The following ARHGAP6 variants were observed in gnomAD, a reference collection of about 807,000 sequenced individuals.
The protein encoded by ARHGAP6 is Rho GTPase activating protein 6, also known as rho GTPase-activating protein 6.
Under a neutral mutation model 55.7 loss-of-function variants are expected in ARHGAP6, and 16 were observed. That is an observed-to-expected ratio of 0.29 (90% CI 0.19 to 0.44). The LOEUF is 0.44. Ranked by LOEUF, ARHGAP6 falls within the 20% of genes least tolerant of loss-of-function variation. ARHGAP6 has a pLI of 1.00. For missense variants in ARHGAP6, 698 were observed against 808.9 expected (o/e 0.86, Z 1.66); for synonymous variants, 382 against 360.9 (o/e 1.06, Z -0.66).
chrX:11,545,862 A>G (rs2051207007), intron 1 of ARHGAP6, among the ~76,000 whole-genome samples: 1 of 111,715 alleles, frequency 9.0e-6, no homozygotes, highest in Non-Finnish European at 1.9e-5. Flanking sequence ...GAACTGCAAC[A>G]AAATAATTAT....
At chrX:11,182,618 C>T (rs1379446812) in intron 5 of ARHGAP6, among the ~76,000 whole-genome samples, 33 of 100,703 alleles carry the variant, frequency 3.3e-4, no homozygotes, top group African/African-American at 1.2e-3. Context: ...TTCTTTCTTT[C>T]TTTTTTTTCC....
intron 1 of ARHGAP6, among the ~76,000 whole-genome samples, chrX:11,311,928 T>C (rs2048306072): frequency 9.0e-6 from 1 of 111,657 alleles, no homozygotes; most frequent in South Asian, 3.8e-4. Context: ...TGGCCACTAC[T>C]CAGGTTTGCA....
chrX:11,624,637 C>T (rs367951394), intron 1 of ARHGAP6, among the ~76,000 whole-genome samples: 146 of 112,459 alleles, frequency 1.3e-3, no homozygotes, highest in Non-Finnish European at 2.0e-3. Context: ...CTGCAACTTC[C>T]GCCTCCCGGG....
intron 1 of ARHGAP6, among the ~76,000 whole-genome samples, chrX:11,641,586 A>T (rs1234438482): frequency 8.9e-6 from 1 of 111,936 alleles, no homozygotes; most frequent in Non-Finnish European, 1.9e-5. Context: ...GGTCATATAG[A>T]TATTGCAAAA....
intron 1 of ARHGAP6, among the ~76,000 whole-genome samples, chrX:11,616,371 T>G (rs73500443): frequency 0.38 from 41,293 of 109,567 alleles, 6,115 homozygotes; most frequent in African/African-American, 0.54. Flanking sequence ...CTGTTGCCCA[T>G]GCTGGAGTGC....
At chrX:11,258,778 T>C (rs758717153) in intron 1 of ARHGAP6, among the ~76,000 whole-genome samples, 78 of 112,122 alleles carry the variant, frequency 7.0e-4, no homozygotes, top group Non-Finnish European at 1.2e-3. Flanking sequence ...AGATCTGAGG[T>C]TATTTTGTTA....
At chrX:11,315,399 C>A (rs1422626015) in intron 1 of ARHGAP6, among the ~76,000 whole-genome samples, 2 of 112,272 alleles carry the variant, frequency 1.8e-5, no homozygotes, top group Non-Finnish European at 3.8e-5. Context: ...AATGCCACCA[C>A]TGATCTGACG....
chrX:11,353,559 T>TGC (rs2048888565), intron 1 of ARHGAP6, among the ~76,000 whole-genome samples: 1 of 92,509 alleles, frequency 1.1e-5, no homozygotes, highest in Non-Finnish European at 2.2e-5. Context: ...AGTGTGTGTG[T>TGC]GTGTGTGTGT....
chrX:11,162,699 T>C (rs995851125), intron 9 of ARHGAP6, among the ~76,000 whole-genome samples: 2 of 102,598 alleles, frequency 1.9e-5, no homozygotes, highest in Non-Finnish European at 4.1e-5. Context: ...TAGATGTTTC[T>C]CTCTACTTAT....
At chrX:11,375,052 C>A (rs968649523) in intron 1 of ARHGAP6, among the ~76,000 whole-genome samples, 20 of 112,158 alleles carry the variant, frequency 1.8e-4, no homozygotes, top group African/African-American at 6.5e-4. Context: ...AGAACAGTAT[C>A]TCTGTTTTTG....
chrX:11,346,722 A>AGAAAGAAAGAAAGAAAGAAG (rs2048790557), intron 1 of ARHGAP6, among the ~76,000 whole-genome samples: 2 of 101,713 alleles, frequency 2.0e-5, no homozygotes, highest in Non-Finnish European at 4.0e-5. Flanking sequence ...AAGAAAGAAA[A>AGAAAGAAAGAAAGAAAGAAG]GAAAGAAAGA....
rs757004333 is a variant in ARHGAP6, at chrX:11,196,974, A to G, written c.771T>C (p.Ser257=). ...CTAGTGAATCCAGTTTCTTTCTTAA[A>G]GATTTCTTTCTCTTTTGTCCATCTG... ...IPKDGQKRKK[S]LRKKLDSLGK... The change falls in exon 3 of 13, where the codon TCT becomes TCC. Residue 257 remains serine (S), a synonymous_variant. Coordinates refer to ENST00000337414, the MANE Select transcript of ARHGAP6 (RefSeq NM_013427.3). 4 of 1,079,633 alleles carry G rather than the reference A, an allele frequency of 3.7e-6. No homozygotes were observed. In the African/African-American group the frequency reaches 5.5e-5, roughly 15 times the overall value. 89.0% of individuals were successfully genotyped at this position (1,079,633 alleles called of 1,213,427 possible).
In ARHGAP6 at chrX:11,147,582, C is replaced by T. The variant is rs1040660823; in HGVS notation, c.1908-3334G>A. On this transcript the variant is annotated intron_variant, in intron 10 of 12. Coordinates refer to ENST00000337414, the MANE Select transcript of ARHGAP6 (RefSeq NM_013427.3). ...CTGTGTCTGTCCATTTTCCATTTTC[C>T]ACTTCTAAATCTTTCTATTCTATCC... Among the ~76,000 whole-genome samples the T allele has an allele frequency of 4.4e-5, 5 of 112,607 alleles. No homozygotes were observed. The Admixed American group carries it at 4.7e-4, about 11-fold the overall frequency.
At chrX:11,444,395 AT>A (rs758474072) in intron 1 of ARHGAP6, among the ~76,000 whole-genome samples, 118 of 112,604 alleles carry the variant, frequency 1.0e-3, no homozygotes, top group African/African-American at 3.6e-3. Flanking sequence ...TGTCTACCCA[AT>A]ATCCATTCTC....
intron 1 of ARHGAP6, among the ~76,000 whole-genome samples, chrX:11,374,472 A>G (rs1403598218): frequency 1.8e-5 from 2 of 112,293 alleles, no homozygotes; most frequent in Non-Finnish European, 3.8e-5. Context: ...AATGCTGTAT[A>G]TCTAGGTGCT....
intron 1 of ARHGAP6, among the ~76,000 whole-genome samples, chrX:11,501,102 A>G (rs1274103344): frequency 1.8e-5 from 2 of 112,310 alleles, no homozygotes; most frequent in African/African-American, 6.5e-5. Context: ...CCCTTGCCAC[A>G]GGAAAACTGA....
At chrX:11,505,926 AAC>A (rs2147862039) in intron 1 of ARHGAP6, among the ~76,000 whole-genome samples, 1 of 111,262 alleles carries the variant, frequency 9.0e-6, no homozygotes, top group Non-Finnish European at 1.9e-5. Context: ...AGAAAAAAAT[AAC>A]TAGCAGGTAC....
intron 1 of ARHGAP6, among the ~76,000 whole-genome samples, chrX:11,467,655 C>G (rs775104549): frequency 9.0e-6 from 1 of 111,723 alleles, no homozygotes; most frequent in Non-Finnish European, 1.9e-5. Flanking sequence ...AAAGGGTACA[C>G]TGTAGATATC....
At chrX:11,247,437 A>G (rs1333165239) in intron 2 of ARHGAP6, among the ~76,000 whole-genome samples, 1 of 112,622 alleles carries the variant, frequency 8.9e-6, no homozygotes. Context: ...TGTGGCAGGA[A>G]TAAGTTATTT....
Sources: gnomAD v4.1 joint callset for allele counts (sites outside exome capture counted in the v4.1 genomes callset) on GRCh38, gnomAD v4.1.1 for gene constraint, MANE v1.5 for transcripts, NCBI Gene and HGNC (gene_info 2026-07-23, HGNC 2026-07-21) for gene names.